Variants in SLC35F4 observed in about 807,000 individuals in gnomAD.
The protein encoded by SLC35F4 is chromosome 14 open reading frame 36.
Under a neutral mutation model 44.2 loss-of-function variants are expected in SLC35F4, and 24 were observed. The ratio of observed to expected loss-of-function variants is 0.54; its 90% CI spans 0.39 to 0.76. SLC35F4 has a LOEUF of 0.76. Ranked by LOEUF, SLC35F4 falls within the 30% of genes least tolerant of loss-of-function variation. SLC35F4 has a pLI of 0.00. For missense variants in SLC35F4, 562 were observed against 586.1 expected (o/e 0.96, Z 0.42); for synonymous variants, 238 against 223.6 (o/e 1.06, Z -0.57).
chr14:57,867,191 G>A (rs1181719362), upstream of SLC35F4, among the ~76,000 whole-genome samples: 1 of 151,882 alleles, frequency 6.6e-6, no homozygotes, highest in Non-Finnish European at 1.5e-5. Context: ...CGACTTCAAT[G>A]CCCCTCTCAG....
At chr14:57,896,466 G>T (rs1305389927) in intron 1 of SLC35F4, among the ~76,000 whole-genome samples, 1 of 152,128 alleles carries the variant, frequency 6.6e-6, no homozygotes, top group Non-Finnish European at 1.5e-5. Flanking sequence ...TGGAGTATGA[G>T]GAAACCCTCT....
At chr14:57,583,566 CCAGA>C (rs1202221865) in intron 3 of SLC35F4, among the ~76,000 whole-genome samples, 1 of 152,164 alleles carries the variant, frequency 6.6e-6, no homozygotes, top group South Asian at 2.1e-4. Flanking sequence ...GATGTGTATT[CCAGA>C]CAGACAGAGC....
At chr14:57,659,385 C>T (rs2074066871) in intron 1 of SLC35F4, among the ~76,000 whole-genome samples, 1 of 152,128 alleles carries the variant, frequency 6.6e-6, no homozygotes, top group African/African-American at 2.4e-5. Context: ...TCTCAGCAGT[C>T]AGAGTTTTTA....
chr14:57,656,293 C>G (rs573180990), intron 1 of SLC35F4, among the ~76,000 whole-genome samples: 1 of 142,344 alleles, frequency 7.0e-6, no homozygotes, highest in East Asian at 2.0e-4. Context: ...AGCCAGAAGC[C>G]CCCCCACACC....
At chr14:57,581,501 C>T in intron 3 of SLC35F4, 68 bp from the exon 4 acceptor site, 11 of 1,395,146 alleles carry the variant, frequency 7.9e-6, no homozygotes, top group South Asian at 2.7e-5. Flanking sequence ...TCTGACTCAT[C>T]GCAGCCATTT....
intron 1 of SLC35F4, among the ~76,000 whole-genome samples, chr14:57,672,570 C>T (rs1287748750): frequency 1.3e-5 from 2 of 151,972 alleles, no homozygotes; most frequent in Non-Finnish European, 2.9e-5. Context: ...TTAATACTAC[C>T]GCTATATGAT....
intron 1 of SLC35F4, among the ~76,000 whole-genome samples, chr14:57,644,625 C>T (rs1369169459): frequency 2.0e-5 from 3 of 152,068 alleles, no homozygotes; most frequent in Non-Finnish European, 2.9e-5. Context: ...TTAATTAGAT[C>T]CCATTTGTCA....
intron 1 of SLC35F4, among the ~76,000 whole-genome samples, chr14:57,633,646 T>C (rs2140137350): frequency 6.6e-6 from 1 of 152,190 alleles, no homozygotes; most frequent in African/African-American, 2.4e-5. Context: ...TATAGAACAG[T>C]TTCATCACCC....
chr14:57,571,087 G>A (rs573260651), intron 5 of SLC35F4, among the ~76,000 whole-genome samples: 19 of 152,272 alleles, frequency 1.2e-4, no homozygotes, highest in Admixed American at 2.6e-4. Context: ...CAGGAGGGAC[G>A]AAAAGGGTAT....
chr14:57,605,659 T>C (rs1431735212), intron 1 of SLC35F4, among the ~76,000 whole-genome samples: 1 of 152,128 alleles, frequency 6.6e-6, no homozygotes, highest in African/African-American at 2.4e-5. Context: ...TGCATCCATA[T>C]GTTCATAGCA....
chr14:57,702,519 G>A (rs974354936), intron 1 of SLC35F4, among the ~76,000 whole-genome samples: 1 of 152,028 alleles, frequency 6.6e-6, no homozygotes. Context: ...CTTTAATTTA[G>A]TTGAATAAAA....
At chr14:57,690,177 C>T (rs2075188293) in intron 1 of SLC35F4, among the ~76,000 whole-genome samples, 1 of 152,192 alleles carries the variant, frequency 6.6e-6, no homozygotes, top group South Asian at 2.1e-4. Flanking sequence ...CTGTCAATGG[C>T]CCTAACACTT....
chr14:57,722,767 C>G (rs1006119908), intron 1 of SLC35F4, among the ~76,000 whole-genome samples: 1 of 152,160 alleles, frequency 6.6e-6, no homozygotes, highest in African/African-American at 2.4e-5. Flanking sequence ...CTGCATTCCT[C>G]CTTAATTTAT....
chr14:57,622,366 CA>C, intron 1 of SLC35F4, among the ~76,000 whole-genome samples: 1 of 145,226 alleles, frequency 6.9e-6, no homozygotes, highest in South Asian at 2.3e-4. Flanking sequence ...GACACATGCA[CA>C]CGTATGTTTA....
chr14:57,587,737 G>A (rs2069859008), intron 3 of SLC35F4, among the ~76,000 whole-genome samples: 5 of 152,224 alleles, frequency 3.3e-5, no homozygotes, highest in South Asian at 4.1e-4. Context: ...AAAGCTGCAC[G>A]TTCTGCCCAT....
At chr14:57,731,091 A>G (rs2076332092) in intron 1 of SLC35F4, among the ~76,000 whole-genome samples, 1 of 152,172 alleles carries the variant, frequency 6.6e-6, no homozygotes, top group Non-Finnish European at 1.5e-5. Context: ...TGACAAGACA[A>G]AAGGGATCAT....
chr14:57,780,086 C>T (rs1266113121), intron 1 of SLC35F4, among the ~76,000 whole-genome samples: 2 of 152,168 alleles, frequency 1.3e-5, no homozygotes, highest in African/African-American at 4.8e-5. Context: ...TTAGCCAGAG[C>T]AATCAGGCAA....
At chr14:57,745,998 C>G (rs1413562177) in intron 1 of SLC35F4, among the ~76,000 whole-genome samples, 1 of 152,040 alleles carries the variant, frequency 6.6e-6, no homozygotes, top group Non-Finnish European at 1.5e-5. Context: ...AAACCAAACA[C>G]CACATGTTCT....
At chr14:57,896,312 G>A (rs1888868311) in intron 1 of SLC35F4, among the ~76,000 whole-genome samples, 1 of 152,146 alleles carries the variant, frequency 6.6e-6, no homozygotes, top group Non-Finnish European at 1.5e-5. Flanking sequence ...AACAACATGG[G>A]TGAATCTCAT....
Sources: allele counts gnomAD v4.1 joint callset (sites outside exome capture counted in the v4.1 genomes callset), GRCh38; gene constraint gnomAD v4.1.1; transcripts MANE v1.5; gene names NCBI Gene and HGNC (gene_info 2026-07-23, HGNC 2026-07-21).